PRKD1: variants seen among roughly 807,000 people sequenced by gnomAD.
PRKD1 encodes the protein serine/threonine-protein kinase D1.
Under a neutral mutation model 95.9 loss-of-function variants are expected in PRKD1, and 63 were observed. The observed-to-expected ratio is 0.66, with a 90% CI of 0.54 to 0.81. PRKD1 has a LOEUF of 0.81. PRKD1 is among the 30% of genes least tolerant of loss of function. The pLI, the probability that PRKD1 is intolerant of heterozygous loss-of-function variation, is 0.00. For synonymous variants in PRKD1, 425 were observed against 423.1 expected (o/e 1.00, Z -0.05); for missense variants, 1,048 against 1,165.3 (o/e 0.90, Z 1.47).
intron 13 of PRKD1, among the ~76,000 whole-genome samples, chr14:29,601,396 G>T (rs902679529): frequency 1.1e-4 from 17 of 152,190 alleles, no homozygotes; most frequent in Non-Finnish European, 2.1e-4. Flanking sequence ...GCATAATGGA[G>T]TCATGGAATT....
chr14:29,751,366 A>C (rs1001625909), intron 1 of PRKD1, among the ~76,000 whole-genome samples: 2 of 152,172 alleles, frequency 1.3e-5, no homozygotes, highest in African/African-American at 4.8e-5. Flanking sequence ...GCTTCTGGGG[A>C]ATCTTTTTCC....
At position 29,576,918 on chromosome 14, in the gene PRKD1, T is replaced by C; in HGVS notation, c.*320A>G. 2.8e-6 allele frequency: 1 copy of C among 355,920 alleles called. No homozygotes were observed. Among genetic ancestry groups the C allele is most frequent in the East Asian group, 6.3e-5 (1 of 15,914 alleles). The allele number at this position is 355,920 out of a possible 1,614,324, so 22.0% of individuals were successfully genotyped here. A position where few individuals can be genotyped will look rare whatever the true frequency, so the allele number is the denominator to read the frequency against. Reference sequence around the variant, plus strand: ...AGATACATTCTGTCTCTTACCAAAATGAAGCTCCAGTAAGAAAAACACTGA... The same window carrying C: ...AGATACATTCTGTCTCTTACCAAAACGAAGCTCCAGTAAGAAAAACACTGA... On this transcript the variant is annotated 3_prime_UTR_variant, in exon 18 of 18. Coordinates refer to ENST00000331968, the MANE Select transcript of PRKD1 (RefSeq NM_002742.3).
chr14:29,829,632 A>T (rs1204043562), intron 1 of PRKD1, among the ~76,000 whole-genome samples: 6 of 152,152 alleles, frequency 3.9e-5, no homozygotes, highest in African/African-American at 1.4e-4. Context: ...AATTACCCTT[A>T]GGCAGGAAGA....
At chr14:29,687,065 G>A (rs567235280) in intron 2 of PRKD1, among the ~76,000 whole-genome samples, 56 of 152,002 alleles carry the variant, frequency 3.7e-4, no homozygotes, top group African/African-American at 1.3e-3. Context: ...TCAGGTCAGC[G>A]ACCCCAACTC....
At chr14:29,655,186 T>A (rs1189761000) in intron 4 of PRKD1, among the ~76,000 whole-genome samples, 1 of 152,272 alleles carries the variant, frequency 6.6e-6, no homozygotes. Flanking sequence ...TTTAAAATTA[T>A]GTCTAGAAGG....
At chr14:29,821,117 A>C (rs1431956725) in intron 1 of PRKD1, among the ~76,000 whole-genome samples, 1 of 152,194 alleles carries the variant, frequency 6.6e-6, no homozygotes, top group East Asian at 1.9e-4. Flanking sequence ...GATACATTGA[A>C]CTTCAGAATA....
intron 1 of PRKD1, among the ~76,000 whole-genome samples, chr14:29,840,764 T>G (rs1891808338): frequency 6.6e-6 from 1 of 152,148 alleles, no homozygotes; most frequent in East Asian, 1.9e-4. Context: ...AAACTCCCCG[T>G]TATAAAACCA....
intron 1 of PRKD1, among the ~76,000 whole-genome samples, chr14:29,750,539 T>TA (rs1273283911): frequency 2.6e-5 from 4 of 152,078 alleles, no homozygotes; most frequent in African/African-American, 9.7e-5. Context: ...GGCCAGAGCC[T>TA]ATTCCAGCAG....
At chr14:29,875,266 C>T (rs1566649189) in intron 1 of PRKD1, among the ~76,000 whole-genome samples, 1 of 151,772 alleles carries the variant, frequency 6.6e-6, no homozygotes, top group Non-Finnish European at 1.5e-5. Flanking sequence ...TACACAAAAG[C>T]CCAGATGGTA....
At chr14:29,796,915 G>GT (rs1169153722) in intron 1 of PRKD1, among the ~76,000 whole-genome samples, 2 of 152,166 alleles carry the variant, frequency 1.3e-5, no homozygotes, top group Non-Finnish European at 2.9e-5. Context: ...GTTAACAGGT[G>GT]TAAGAGTTTT....
rs1405189680 is a variant in PRKD1 at position 29,895,149 on chromosome 14, T to C, written c.264+32100A>G. ...GTTCGAGACCAGCCTGGCCAGCATC[T>C]CTACTAAAATACCAAAAATTATCTG... On this transcript the variant is annotated intron_variant, in intron 1 of 17. Coordinates refer to ENST00000331968, the MANE Select transcript of PRKD1 (RefSeq NM_002742.3). 3.3e-5 allele frequency among the ~76,000 whole-genome samples: 5 copies of C among 151,882 alleles called. No homozygotes were observed. The East Asian group carries it at 9.7e-4, about 29-fold the overall frequency.
At chr14:29,666,624 C>T (rs145208732) in intron 2 of PRKD1, among the ~76,000 whole-genome samples, 6 of 151,854 alleles carry the variant, frequency 4.0e-5, no homozygotes, top group East Asian at 3.9e-4. Context: ...CAGATAGATC[C>T]GAAAAATAGT....
At position 29,665,762 on chromosome 14, in the gene PRKD1, TATAC is replaced by T. The variant is rs1882455814; in HGVS notation, c.535+311_535+314del. Among the ~76,000 whole-genome samples the T allele has an allele frequency of 2.6e-5, 4 of 152,118 alleles. No homozygotes were observed. In the South Asian group the frequency reaches 8.3e-4, roughly 31 times the overall value. ...ATATGTGTGTATATGTATATATGTG[TATAC>T]ATACATAGATCTATGTACATAGGTG... On this transcript the variant is annotated intron_variant, in intron 3 of 17. Coordinates refer to ENST00000331968, the MANE Select transcript of PRKD1 (RefSeq NM_002742.3).
chr14:29,770,896 C>A (rs1283217806), intron 1 of PRKD1, among the ~76,000 whole-genome samples: 12 of 125,784 alleles, frequency 9.5e-5, no homozygotes, highest in African/African-American at 3.8e-4. Context: ...CGTGCCACTG[C>A]ACTCCAGCCT....
At chr14:29,706,620 G>T (rs1594445924) in intron 2 of PRKD1, among the ~76,000 whole-genome samples, 1 of 152,204 alleles carries the variant, frequency 6.6e-6, no homozygotes, top group East Asian at 1.9e-4. Context: ...AGGCACCAGG[G>T]ATAATAATAA....
At chr14:29,599,947 TAC>T in intron 13 of PRKD1, 130 bp from the exon 14 acceptor site, 1 of 666,038 alleles carries the variant, frequency 1.5e-6, no homozygotes, top group Non-Finnish European at 2.3e-6. Context: ...TTAACACCTC[TAC>T]ATTCCACATG....
intron 1 of PRKD1, among the ~76,000 whole-genome samples, chr14:29,910,653 TA>T (rs979623336): frequency 6.6e-6 from 1 of 152,160 alleles, no homozygotes; most frequent in Non-Finnish European, 1.5e-5. Flanking sequence ...CTAACGGAAT[TA>T]AAAATCCAAT....
intron 2 of PRKD1, among the ~76,000 whole-genome samples, chr14:29,702,536 A>T (rs1594442429): frequency 6.6e-6 from 1 of 152,012 alleles, no homozygotes. Flanking sequence ...TCCAATACCT[A>T]TTGAAATGAT....
intron 1 of PRKD1, among the ~76,000 whole-genome samples, chr14:29,846,407 AG>A (rs1892079291): frequency 6.6e-6 from 1 of 152,138 alleles, no homozygotes; most frequent in Non-Finnish European, 1.5e-5. Context: ...TGAGGGAGAG[AG>A]GTTACCCTAT....
Sources: gnomAD v4.1 joint callset for allele counts (sites outside exome capture counted in the v4.1 genomes callset) on GRCh38, gnomAD v4.1.1 for gene constraint, MANE v1.5 for transcripts, NCBI Gene and HGNC (gene_info 2026-07-23, HGNC 2026-07-21) for gene names.